INSR: variants seen among roughly 807,000 people sequenced by gnomAD.
INSR encodes the protein IR.
A neutral mutation model predicts 142.6 loss-of-function variants in INSR; 67 were observed. The observed-to-expected ratio is 0.47, with a 90% CI of 0.39 to 0.58. The LOEUF (loss-of-function observed/expected upper bound fraction) is 0.58, where lower values mean the gene tolerates loss of function less well. INSR is among the 20% of genes least tolerant of loss of function. INSR has a pLI of 0.00. For synonymous variants in INSR, 756 were observed against 743.1 expected (o/e 1.02, Z -0.28); for missense variants, 1,248 against 1,833.2 (o/e 0.68, Z 5.83).
At chr19:7,156,780 CTCTTT>C (rs1973603168) in intron 9 of INSR, among the ~76,000 whole-genome samples, 1 of 133,792 alleles carries the variant, frequency 7.5e-6, no homozygotes. Flanking sequence ...TACTATTTCT[CTCTTT>C]TTTTTTTTTT....
intron 2 of INSR, among the ~76,000 whole-genome samples, chr19:7,252,166 T>G (rs1184217054): frequency 1.3e-5 from 2 of 151,926 alleles, no homozygotes; most frequent in Non-Finnish European, 1.5e-5. Context: ...TCCCAGCACT[T>G]TGGGAGGTCG....
intron 6 of INSR, among the ~76,000 whole-genome samples, chr19:7,170,043 T>C (rs1225233423): frequency 6.6e-6 from 1 of 152,134 alleles, no homozygotes; most frequent in African/African-American, 2.4e-5. Flanking sequence ...TACTTATCCA[T>C]GGCCTGTTAC....
chr19:7,146,236 C>CTT (rs35961932), intron 11 of INSR, among the ~76,000 whole-genome samples: 4,880 of 110,276 alleles, frequency 0.044, 230 homozygotes, highest in South Asian at 0.077. Context: ...TTGTCAAGTT[C>CTT]TTTTTTTTTT....
intron 2 of INSR, among the ~76,000 whole-genome samples, chr19:7,209,196 C>T (rs11670022): frequency 0.17 from 25,147 of 152,094 alleles, 2,527 homozygotes; most frequent in Non-Finnish European, 0.22. Context: ...CATAGTGGCA[C>T]ACACCTGTGG....
chr19:7,259,938 G>A (rs1259837317), intron 2 of INSR, among the ~76,000 whole-genome samples: 1 of 151,948 alleles, frequency 6.6e-6, no homozygotes, highest in African/African-American at 2.4e-5. Context: ...CCAGGAGTTT[G>A]AGACCGACCT....
intron 2 of INSR, among the ~76,000 whole-genome samples, chr19:7,229,264 T>G (rs1600063123): frequency 7.5e-6 from 1 of 133,002 alleles, no homozygotes; most frequent in African/African-American, 2.8e-5. Flanking sequence ...GATAGATGGA[T>G]GGATGGATGG....
chr19:7,289,491 T>C (rs940798226), intron 1 of INSR, among the ~76,000 whole-genome samples: 14 of 146,698 alleles, frequency 9.5e-5, no homozygotes, highest in African/African-American at 3.3e-4. Flanking sequence ...CTGCAAGCTC[T>C]GCCTCCCAGG....
intron 2 of INSR, among the ~76,000 whole-genome samples, chr19:7,255,526 CTT>C (rs1268595576): frequency 5.8e-5 from 7 of 121,386 alleles, no homozygotes; most frequent in African/African-American, 2.1e-4. Context: ...TTTTTCTTGT[CTT>C]GTCTTTTCTC....
At chr19:7,234,894 G>A (rs562720431) in intron 2 of INSR, among the ~76,000 whole-genome samples, 8 of 151,804 alleles carry the variant, frequency 5.3e-5, no homozygotes, top group East Asian at 3.9e-4. Flanking sequence ...CCATCTCTAC[G>A]AAAAATACAA....
rs2144814015 is a variant in INSR, at chr19:7,125,356, G to A, written c.3185C>T (p.Ser1062Leu). The change falls in exon 17 of 22, where the codon TCA becomes TTA. Residue 1062 changes from serine to leucine, a missense_variant. Around this residue, in one of 3 missense-constraint regions of INSR, gnomAD observed 1,069 missense variants for 1,654.0 expected, o/e 0.65. Transcript: ENST00000302850. This position sits in a 1 kb window ranked among gnomAD's most constrained non-coding sequence, Gnocchi z 4.9. Reference protein sequence around the residue: ...TRVAVKTVNESASLRERIEFL... With the variant: ...TRVAVKTVNELASLRERIEFL... ...CTCAATCCGCTCTCGGAGACTGGCT[G>A]ACTCGTTGACCGTCTTCACCGCCAC... The A allele has an allele frequency of 6.2e-7, 1 of 1,614,068 alleles. No homozygotes were observed. The highest frequency in any genetic ancestry group is 8.5e-7 in the Non-Finnish European group (1 of 1,180,018).
intron 2 of INSR, among the ~76,000 whole-genome samples, chr19:7,190,611 C>T (rs1196078347): frequency 6.6e-6 from 1 of 152,080 alleles, no homozygotes; most frequent in African/African-American, 2.4e-5. Context: ...ACCTCGGGAT[C>T]CACCCATCTT....
At chr19:7,228,949 A>G (rs1975866004) in intron 2 of INSR, among the ~76,000 whole-genome samples, 1 of 150,356 alleles carries the variant, frequency 6.7e-6, no homozygotes, top group African/African-American at 2.5e-5. Flanking sequence ...ATGGAGGGAC[A>G]GGTGTGTGGA....
chr19:7,189,703 G>C (rs1974525040), intron 2 of INSR, among the ~76,000 whole-genome samples: 1 of 140,830 alleles, frequency 7.1e-6, no homozygotes. Flanking sequence ...TTGCTCTGTT[G>C]TCCAGGCTGA....
intron 2 of INSR, 46 bp from the exon 3 acceptor site, chr19:7,184,683 T>TAAAG: frequency 9.2e-7 from 1 of 1,087,606 alleles, no homozygotes. Flanking sequence ...AATAAATAAA[T>TAAAG]AAATAAATAA....
At chr19:7,197,108 G>A (rs1309012899) in intron 2 of INSR, among the ~76,000 whole-genome samples, 1 of 152,216 alleles carries the variant, frequency 6.6e-6, no homozygotes, top group East Asian at 1.9e-4. Flanking sequence ...ACAGCTTCGT[G>A]GTCAGCAGCG....
At chr19:7,289,417 T>C (rs1028943361) in intron 1 of INSR, among the ~76,000 whole-genome samples, 19 of 149,114 alleles carry the variant, frequency 1.3e-4, no homozygotes, top group African/African-American at 4.6e-4. Flanking sequence ...TTTTTTTTTT[T>C]TTTTTTGAGA....
chr19:7,241,188 T>C (rs1026716706), intron 2 of INSR, among the ~76,000 whole-genome samples: 4 of 151,502 alleles, frequency 2.6e-5, no homozygotes, highest in African/African-American at 9.7e-5. Flanking sequence ...TTTTTTTTTT[T>C]TTTTTTAAGA....
chr19:7,140,773 C>CTTTTTTTTT (rs34805383), intron 13 of INSR, among the ~76,000 whole-genome samples: 52 of 139,482 alleles, frequency 3.7e-4, no homozygotes, highest in African/African-American at 1.3e-3. Flanking sequence ...ATTAACGGCC[C>CTTTTTTTTT]TTTTTTTTTT....
intron 9 of INSR, 152 bp from the exon 10 acceptor site, chr19:7,153,079 A>G: frequency 2.3e-6 from 1 of 435,076 alleles, no homozygotes; most frequent in Non-Finnish European, 4.1e-6. Flanking sequence ...CACACATCAC[A>G]CAACACACCA....
Sources: allele counts gnomAD v4.1 joint callset (sites outside exome capture counted in the v4.1 genomes callset), GRCh38; gene constraint gnomAD v4.1.1; regional missense constraint gnomAD v4.1.1; non-coding constraint Gnocchi (gnomAD v3.1); transcripts MANE v1.5; gene names NCBI Gene and HGNC (gene_info 2026-07-23, HGNC 2026-07-21).